The following NRG3 variants were observed in gnomAD, a reference collection of about 807,000 sequenced individuals.
The protein encoded by NRG3 is pro-neuregulin-3, membrane-bound isoform.
NRG3 carries 31 observed loss-of-function variants against 66.9 expected under a neutral mutation model. That is an observed-to-expected ratio of 0.46 (90% CI 0.35 to 0.63). The LOEUF (loss-of-function observed/expected upper bound fraction) is 0.63, where lower values mean the gene tolerates loss of function less well. NRG3 is among the 20% of genes least tolerant of loss of function. The pLI is 0.00. For synonymous variants in NRG3, 393 were observed against 359.4 expected (o/e 1.09, Z -1.06); for missense variants, 910 against 878.9 (o/e 1.04, Z -0.45).
At chr10:82,729,694 A>C (rs1427702118) in intron 2 of NRG3, among the ~76,000 whole-genome samples, 1 of 152,166 alleles carries the variant, frequency 6.6e-6, no homozygotes, top group Non-Finnish European at 1.5e-5. Context: ...TTAGCTTCTG[A>C]TTCTCCAAGA....
intron 1 of NRG3, among the ~76,000 whole-genome samples, chr10:82,005,825 G>A (rs2061358200): frequency 6.6e-6 from 1 of 151,814 alleles, no homozygotes; most frequent in Admixed American, 6.6e-5. Context: ...AGTAAAAGTA[G>A]TCTACCCTTA....
At chr10:82,363,870 A>T (rs996980059) in intron 2 of NRG3, among the ~76,000 whole-genome samples, 2 of 152,188 alleles carry the variant, frequency 1.3e-5, no homozygotes, top group Admixed American at 6.5e-5. Context: ...TATAAATTAG[A>T]ATATATTTGT....
intron 2 of NRG3, among the ~76,000 whole-genome samples, chr10:82,629,697 CA>C (rs2049682154): frequency 6.6e-6 from 1 of 152,144 alleles, no homozygotes. Context: ...CTTTCACATA[CA>C]GATGAGAGAA....
At chr10:82,389,164 A>G (rs2086195772) in intron 2 of NRG3, among the ~76,000 whole-genome samples, 2 of 152,214 alleles carry the variant, frequency 1.3e-5, no homozygotes, top group South Asian at 4.1e-4. Flanking sequence ...AAAATTAAGT[A>G]TTTGTCTTTG....
chr10:82,211,471 A>G (rs1372158892), intron 1 of NRG3, among the ~76,000 whole-genome samples: 1 of 152,170 alleles, frequency 6.6e-6, no homozygotes, highest in African/African-American at 2.4e-5. Flanking sequence ...GAAAAGCCAG[A>G]TACAGCTCTG....
At chr10:82,664,140 A>G (rs1474699988) in intron 2 of NRG3, among the ~76,000 whole-genome samples, 1 of 152,184 alleles carries the variant, frequency 6.6e-6, no homozygotes, top group African/African-American at 2.4e-5. Flanking sequence ...AGGAATTTGT[A>G]TGTCCATAAT....
intron 3 of NRG3, among the ~76,000 whole-genome samples, chr10:82,789,597 T>C (rs2135358905): frequency 6.6e-6 from 1 of 152,206 alleles, no homozygotes; most frequent in Admixed American, 6.5e-5. Context: ...ATATCTCTTG[T>C]AGATAGCATA....
intron 1 of NRG3, among the ~76,000 whole-genome samples, chr10:82,075,040 G>T (rs760437148): frequency 2.8e-4 from 42 of 152,104 alleles, no homozygotes; most frequent in Non-Finnish European, 5.9e-4. Flanking sequence ...ATTATCTGTT[G>T]AATCGATGAA....
chr10:81,887,704 T>G (rs1842723815), intron 1 of NRG3, among the ~76,000 whole-genome samples: 1 of 152,152 alleles, frequency 6.6e-6, no homozygotes. Flanking sequence ...TGAGTTGTGC[T>G]CAAAGTCCTT....
chr10:82,865,737 T>C (rs1039873611), intron 4 of NRG3, among the ~76,000 whole-genome samples: 3 of 152,156 alleles, frequency 2.0e-5, no homozygotes, highest in African/African-American at 4.8e-5. Flanking sequence ...AAAATAGGGA[T>C]AATAATAGGT....
rs764557912 is a variant in NRG3, at chr10:82,985,259, T to C, written c.1745T>C (p.Leu582Ser). 13 of 1,613,998 alleles carry C rather than the reference T, an allele frequency of 8.1e-6. No individual in the cohort carries two copies. The highest frequency in any genetic ancestry group is 1.1e-5 in the South Asian group (1 of 91,080). The change falls in exon 9 of 9, where the codon TTA becomes TCA. Residue 582 changes from leucine (L) to serine (S), a missense_variant. Transcript: ENST00000372141. ...SSVPIIPSVG[L>S]EETCLQMPGI... ...GTGCCCATCATCCCTTCAGTGGGTT[T>C]AGAGGAAACCTGCCTGCAAATGCCA... is the stretch of plus-strand genomic sequence containing the variant.
intron 1 of NRG3, among the ~76,000 whole-genome samples, chr10:82,079,582 A>C (rs1407308827): frequency 1.3e-5 from 2 of 152,102 alleles, no homozygotes; most frequent in Non-Finnish European, 2.9e-5. Context: ...ACCAATACAG[A>C]ATAGTTTCAT....
chr10:81,975,314 C>CATCTATCTATCT (rs140419592), intron 1 of NRG3, among the ~76,000 whole-genome samples: 71 of 143,840 alleles, frequency 4.9e-4, no homozygotes, highest in East Asian at 1.1e-3. Flanking sequence ...AATTGTGTAA[C>CATCTATCTATCT]ATCTATCTAT....
intron 1 of NRG3, among the ~76,000 whole-genome samples, chr10:82,200,340 A>G (rs2074728061): frequency 6.6e-6 from 1 of 152,176 alleles, no homozygotes; most frequent in South Asian, 2.1e-4. Flanking sequence ...TGAACTCCTA[A>G]TAAATAGTGC....
At chr10:82,665,731 G>A (rs10749062) in intron 2 of NRG3, among the ~76,000 whole-genome samples, 152,296 of 152,302 alleles carry the variant, frequency 1, 76,145 homozygotes, top group Middle Eastern at 1. Flanking sequence ...AACAGAGTGC[G>A]AAGAACATTT....
chr10:82,017,689 G>A (rs2061849076), intron 1 of NRG3, among the ~76,000 whole-genome samples: 1 of 152,222 alleles, frequency 6.6e-6, no homozygotes, highest in Non-Finnish European at 1.5e-5. Flanking sequence ...CTGATGGCCA[G>A]TGATGATGAG....
chr10:82,401,617 C>T (rs2136058842), intron 2 of NRG3, among the ~76,000 whole-genome samples: 1 of 152,158 alleles, frequency 6.6e-6, no homozygotes, highest in African/African-American at 2.4e-5. Context: ...TATTGATTTG[C>T]TTCTCTACTT....
intron 2 of NRG3, among the ~76,000 whole-genome samples, chr10:82,498,420 T>A (rs1422988726): frequency 6.6e-6 from 1 of 152,178 alleles, no homozygotes; most frequent in Non-Finnish European, 1.5e-5. Flanking sequence ...AAGAGGCACC[T>A]TGAGCTCAAA....
chr10:81,915,360 T>C (rs1238414701), intron 1 of NRG3, among the ~76,000 whole-genome samples: 2 of 152,156 alleles, frequency 1.3e-5, no homozygotes, highest in Non-Finnish European at 2.9e-5. Flanking sequence ...GCTAGATTCT[T>C]CATCATGGCA....
Sources: allele counts gnomAD v4.1 joint callset (sites outside exome capture counted in the v4.1 genomes callset), GRCh38; gene constraint gnomAD v4.1.1; transcripts MANE v1.5; gene names NCBI Gene and HGNC (gene_info 2026-07-23, HGNC 2026-07-21).